The following CDIN1 variants were observed in gnomAD, a reference collection of about 807,000 sequenced individuals.
The protein encoded by CDIN1 is CDAN1 interacting nuclease 1, also known as CDAN1-interacting nuclease 1.
A neutral mutation model predicts 45.3 loss-of-function variants in CDIN1; 33 were observed. The observed-to-expected ratio is 0.73, with a 90% CI of 0.55 to 0.97. The LOEUF is 0.97. CDIN1 is among the 50% of genes least tolerant of loss of function. The pLI is 0.00. For missense variants in CDIN1, 303 were observed against 339.4 expected, an observed-to-expected ratio of 0.89 and a Z score of 0.84; for synonymous variants, 118 against 124.4, an observed-to-expected ratio of 0.95 and a Z score of 0.34.
intron 5 of CDIN1, among the ~76,000 whole-genome samples, chr15:36,674,219 A>G (rs1280975248): frequency 6.6e-6 from 1 of 152,270 alleles, no homozygotes; most frequent in Non-Finnish European, 1.5e-5. Context: ...TCTGCTGCAA[A>G]TGGCATTACA....
At chr15:36,588,637 T>C (rs917633491) in intron 1 of CDIN1, among the ~76,000 whole-genome samples, 3 of 152,188 alleles carry the variant, frequency 2.0e-5, no homozygotes, top group Admixed American at 2.0e-4. Context: ...AAGAGTATGA[T>C]TATTTCATGT....
At chr15:36,796,741 A>G (rs1191095707) in intron 10 of CDIN1, among the ~76,000 whole-genome samples, 1 of 152,246 alleles carries the variant, frequency 6.6e-6, no homozygotes, top group African/African-American at 2.4e-5. Context: ...CTCCCTAAAC[A>G]GAGCATCCCT....
At chr15:36,619,308 G>A (rs569564189) in intron 1 of CDIN1, 17 of 803,480 alleles carry the variant, frequency 2.1e-5, no homozygotes, top group African/African-American at 1.1e-4. Flanking sequence ...CTCTCTTCCC[G>A]TTAAACTTGA....
intron 10 of CDIN1, among the ~76,000 whole-genome samples, chr15:36,743,231 A>G (rs1180670298): frequency 6.6e-6 from 1 of 152,158 alleles, no homozygotes; most frequent in Non-Finnish European, 1.5e-5. Flanking sequence ...TCATATTTTT[A>G]TTTAGAAAGA....
At chr15:36,637,278 G>A (rs112979891) in intron 1 of CDIN1, among the ~76,000 whole-genome samples, 217 of 152,244 alleles carry the variant, frequency 1.4e-3, no homozygotes, top group Middle Eastern at 6.8e-3. Context: ...CGTAAAAGCC[G>A]AAACTATTAA....
intron 1 of CDIN1, among the ~76,000 whole-genome samples, chr15:36,585,367 AT>A (rs1187780329): frequency 2.0e-5 from 3 of 152,170 alleles, no homozygotes; most frequent in African/African-American, 7.2e-5. Flanking sequence ...GTTGGATTTA[AT>A]TGTAATGTCT....
chr15:36,697,458 A>G (rs2042474622), intron 8 of CDIN1, 68 bp downstream of exon 8: 2 of 1,262,136 alleles, frequency 1.6e-6, no homozygotes, highest in African/African-American at 1.5e-5. Flanking sequence ...TATTTTAAAA[A>G]TCTTCCACTA....
At chr15:36,616,496 G>T (rs1360108633) in intron 1 of CDIN1, among the ~76,000 whole-genome samples, 2 of 151,830 alleles carry the variant, frequency 1.3e-5, no homozygotes, top group Admixed American at 1.3e-4. Context: ...TGGTCAGGCT[G>T]GTCTCAAACT....
At chr15:36,756,420 A>G (rs1196562623) in intron 10 of CDIN1, among the ~76,000 whole-genome samples, 2 of 151,848 alleles carry the variant, frequency 1.3e-5, no homozygotes, top group Non-Finnish European at 2.9e-5. Context: ...CAAAAAGAAA[A>G]CCTTTGTTAT....
chr15:36,747,176 A>G, intron 10 of CDIN1: 1 of 392,362 alleles, frequency 2.5e-6, no homozygotes, highest in East Asian at 3.6e-5. Flanking sequence ...CTTAAACAAT[A>G]AGTAGCAATG....
At chr15:36,649,870 AC>A (rs1213830291) in intron 3 of CDIN1, among the ~76,000 whole-genome samples, 2 of 152,216 alleles carry the variant, frequency 1.3e-5, no homozygotes, top group African/African-American at 4.8e-5. Context: ...ACCAAAAAGG[AC>A]AGTGGAAGGC....
chr15:36,756,171 T>C (rs931734708), intron 10 of CDIN1: 1 of 455,818 alleles, frequency 2.2e-6, no homozygotes, highest in Non-Finnish European at 4.4e-6. Context: ...GAATCCTTAG[T>C]TGAAGAGAAC....
intron 10 of CDIN1, among the ~76,000 whole-genome samples, chr15:36,785,265 A>ATTC (rs1198592230): frequency 6.6e-6 from 1 of 152,168 alleles, no homozygotes; most frequent in African/African-American, 2.4e-5. Context: ...AAAATTACAA[A>ATTC]TTTAGTAAAT....
chr15:36,615,290 A>AT (rs1485870544), intron 1 of CDIN1, among the ~76,000 whole-genome samples: 1 of 151,994 alleles, frequency 6.6e-6, no homozygotes, highest in South Asian at 2.1e-4. Flanking sequence ...CCCAGTGCCC[A>AT]TTTTCTGGTA....
At chr15:36,603,532 G>C (rs1346492342) in intron 1 of CDIN1, among the ~76,000 whole-genome samples, 1 of 152,120 alleles carries the variant, frequency 6.6e-6, no homozygotes, top group Non-Finnish European at 1.5e-5. Context: ...AGTGATGGAG[G>C]GGGTTGGAGA....
chr15:36,798,281 T>C (rs907967891), intron 10 of CDIN1, among the ~76,000 whole-genome samples: 3 of 152,176 alleles, frequency 2.0e-5, no homozygotes, highest in Admixed American at 6.5e-5. Context: ...TTTAAAATCA[T>C]TTTTCCTTAT....
intron 1 of CDIN1, among the ~76,000 whole-genome samples, chr15:36,632,223 C>T (rs547850175): frequency 1.3e-5 from 2 of 152,266 alleles, no homozygotes; most frequent in South Asian, 2.1e-4. Flanking sequence ...TATGAGGGTT[C>T]CAATTTCTCT....
At chr15:36,623,788 G>T (rs987091606) in intron 1 of CDIN1, among the ~76,000 whole-genome samples, 9 of 152,168 alleles carry the variant, frequency 5.9e-5, no homozygotes, top group Non-Finnish European at 1.3e-4. Context: ...TAAGTTGTTT[G>T]CAACTAAGCA....
Position 36,808,505 on chromosome 15 carries a change from A to G in CDIN1, c.*52A>G, listed in dbSNP as rs2055305709. On this transcript the variant is annotated 3_prime_UTR_variant, in exon 11 of 11. Transcript: ENST00000566621. Reference sequence around the variant, plus strand: ...GGAGGAAAAGGTGAATCCGGAAGCAATTTTACTTTCCTGCACTGTAAGATC... The same window carrying G: ...GGAGGAAAAGGTGAATCCGGAAGCAGTTTTACTTTCCTGCACTGTAAGATC... 9 of 1,602,404 alleles carry G rather than the reference A, an allele frequency of 5.6e-6. No homozygotes were observed. The highest frequency in any genetic ancestry group is 1.7e-4 in the Middle Eastern group (1 of 6,042).
Sources: allele counts gnomAD v4.1 joint callset (sites outside exome capture counted in the v4.1 genomes callset), GRCh38; gene constraint gnomAD v4.1.1; transcripts MANE v1.5; gene names NCBI Gene and HGNC (gene_info 2026-07-23, HGNC 2026-07-21).